Variants in TBCA observed in about 807,000 individuals in gnomAD.
TBCA encodes tubulin-specific chaperone A.
TBCA carries 6 observed loss-of-function variants against 15.8 expected under a neutral mutation model. That is an observed-to-expected ratio of 0.38 (90% CI 0.21 to 0.75). The LOEUF (loss-of-function observed/expected upper bound fraction) is 0.75, where lower values mean the gene tolerates loss of function less well. Ranked by LOEUF, TBCA falls within the 30% of genes least tolerant of loss-of-function variation. The pLI is 0.46. For synonymous variants in TBCA, 32 were observed against 42.3 expected (o/e 0.76, Z 0.94); for missense variants, 90 against 131.2 (o/e 0.69, Z 1.53).
intron 1 of TBCA, among the ~76,000 whole-genome samples, chr5:77,772,872 T>C (rs763701314): frequency 2.0e-5 from 3 of 152,234 alleles, no homozygotes; most frequent in South Asian, 4.1e-4. Flanking sequence ...ACTTAGTTTA[T>C]AATAATCTCA....
chr5:77,706,477 G>A (rs957513704), intron 2 of TBCA, among the ~76,000 whole-genome samples: 17 of 152,130 alleles, frequency 1.1e-4, no homozygotes, highest in African/African-American at 4.1e-4. Context: ...TAGTGGACTA[G>A]ACTAGAACAA....
intron 1 of TBCA, among the ~76,000 whole-genome samples, chr5:77,766,892 TTGACAAA>T (rs1561285952): frequency 6.6e-6 from 1 of 152,182 alleles, no homozygotes; most frequent in Non-Finnish European, 1.5e-5. Context: ...CTTAGCTCAA[TTGACAAA>T]TATCTATTAA....
At chr5:77,707,784 T>A (rs928903460) in intron 2 of TBCA, among the ~76,000 whole-genome samples, 1 of 152,228 alleles carries the variant, frequency 6.6e-6, no homozygotes, top group Non-Finnish European at 1.5e-5. Flanking sequence ...TTTTTATATC[T>A]GATACTTAAA....
intron 1 of TBCA, among the ~76,000 whole-genome samples, chr5:77,774,124 T>C (rs1306495404): frequency 3.9e-5 from 6 of 152,188 alleles, no homozygotes; most frequent in Non-Finnish European, 1.5e-5. Context: ...TTGAGCAGCA[T>C]TAACATTAAA....
At chr5:77,733,035 A>G (rs551243218) in intron 1 of TBCA, among the ~76,000 whole-genome samples, 6 of 152,300 alleles carry the variant, frequency 3.9e-5, no homozygotes, top group African/African-American at 1.4e-4. Flanking sequence ...TGATCCCAGC[A>G]CTTTGGGAGG....
intron 1 of TBCA, among the ~76,000 whole-genome samples, chr5:77,755,979 G>A (rs1747465604): frequency 6.6e-6 from 1 of 152,176 alleles, no homozygotes; most frequent in African/African-American, 2.4e-5. Flanking sequence ...CATTCCAGCT[G>A]GGTCAACAAG....
chr5:77,773,913 T>C (rs1050272974), intron 1 of TBCA, among the ~76,000 whole-genome samples: 1 of 152,224 alleles, frequency 6.6e-6, no homozygotes, highest in Non-Finnish European at 1.5e-5. Flanking sequence ...TTCTTGGGTC[T>C]GAACAATAAA....
chr5:77,738,121 A>T (rs1746951496), intron 1 of TBCA, among the ~76,000 whole-genome samples: 1 of 152,198 alleles, frequency 6.6e-6, no homozygotes, highest in African/African-American at 2.4e-5. Context: ...ATCACTATTT[A>T]ACTGTTTGTC....
intron 2 of TBCA, among the ~76,000 whole-genome samples, chr5:77,701,718 T>C (rs981904444): frequency 7.2e-6 from 1 of 138,364 alleles, no homozygotes; most frequent in Non-Finnish European, 1.6e-5. Context: ...TATATATATA[T>C]ATATATATGA....
intron 2 of TBCA, among the ~76,000 whole-genome samples, chr5:77,695,414 G>A (rs1003259981): frequency 3.9e-5 from 6 of 152,062 alleles, no homozygotes; most frequent in African/African-American, 1.2e-4. Flanking sequence ...CTCCAAATCC[G>A]TAAGTCTAGG....
intron 1 of TBCA, among the ~76,000 whole-genome samples, chr5:77,739,421 A>G (rs1746983062): frequency 6.6e-6 from 1 of 152,220 alleles, no homozygotes; most frequent in African/African-American, 2.4e-5. Context: ...AGATCGCACC[A>G]CTGCACTCTA....
chr5:77,733,986 T>C (rs985040080), intron 1 of TBCA, among the ~76,000 whole-genome samples: 1 of 152,248 alleles, frequency 6.6e-6, no homozygotes, highest in Non-Finnish European at 1.5e-5. Context: ...ATAAGAATTA[T>C]GCTAAATCTC....
chr5:77,698,179 A>G (rs1347668102), intron 2 of TBCA, among the ~76,000 whole-genome samples: 3 of 152,094 alleles, frequency 2.0e-5, no homozygotes, highest in African/African-American at 7.2e-5. Context: ...GAAAAAAAAA[A>G]AAACACACTG....
chr5:77,692,868 A>G (rs1745786201), intron 3 of TBCA: 1 of 1,136,140 alleles, frequency 8.8e-7, no homozygotes, highest in Admixed American at 4.6e-5. Flanking sequence ...AAAGAATTCA[A>G]GATCCTTTTA....
intron 1 of TBCA, among the ~76,000 whole-genome samples, chr5:77,724,475 A>G (rs190006928): frequency 1.3e-5 from 2 of 152,246 alleles, no homozygotes; most frequent in African/African-American, 2.4e-5. Flanking sequence ...ATTTTATCTA[A>G]GCCATACTTA....
At chr5:77,746,329 A>G (rs58121819) in intron 1 of TBCA, among the ~76,000 whole-genome samples, 10,831 of 152,188 alleles carry the variant, frequency 0.071, 536 homozygotes, top group African/African-American at 0.14. Context: ...TTTTTCAATT[A>G]TTTCTGATTT....
chr5:77,747,724 CTTCTTA>C, intron 1 of TBCA, among the ~76,000 whole-genome samples: 1 of 152,054 alleles, frequency 6.6e-6, no homozygotes, highest in Admixed American at 6.6e-5. Flanking sequence ...TTTTCTGCTT[CTTCTTA>C]TTCTATTTGG....
chr5:77,748,966 G>A (rs981544405), intron 1 of TBCA, among the ~76,000 whole-genome samples: 3 of 152,162 alleles, frequency 2.0e-5, no homozygotes, highest in African/African-American at 4.8e-5. Context: ...GGAACCATCT[G>A]CCTGAAATGG....
At chr5:77,771,610 A>G (rs1361290452) in intron 1 of TBCA, among the ~76,000 whole-genome samples, 1 of 152,206 alleles carries the variant, frequency 6.6e-6, no homozygotes, top group African/African-American at 2.4e-5. Flanking sequence ...GCTGCTATCC[A>G]TTAGGTCAAC....
Sources: gnomAD v4.1 joint callset for allele counts (sites outside exome capture counted in the v4.1 genomes callset) on GRCh38, gnomAD v4.1.1 for gene constraint, MANE v1.5 for transcripts, NCBI Gene and HGNC (gene_info 2026-07-23, HGNC 2026-07-21) for gene names.